TMEM135: variants seen among roughly 807,000 people sequenced by gnomAD.
The protein encoded by TMEM135 is peroxisomal membrane protein 52.
Under a neutral mutation model 60.3 loss-of-function variants are expected in TMEM135, and 30 were observed. The ratio of observed to expected loss-of-function variants is 0.50; its 90% CI spans 0.37 to 0.68. The LOEUF is 0.68. TMEM135 is among the 30% of genes least tolerant of loss of function. The probability of loss-of-function intolerance (pLI) is 0.00; values close to 1 mark genes in which losing one functional copy is unlikely to be tolerated. For synonymous variants in TMEM135, 190 were observed against 186.7 expected (o/e 1.02, Z -0.14); for missense variants, 468 against 548.8 (o/e 0.85, Z 1.47).
At chr11:87,199,596 C>G (rs1591097942) in intron 5 of TMEM135, among the ~76,000 whole-genome samples, 1 of 152,114 alleles carries the variant, frequency 6.6e-6, no homozygotes. Context: ...TTTGAGGAAA[C>G]TAGAGTAGGT....
chr11:87,062,214 C>T (rs1432662815), intron 1 of TMEM135, among the ~76,000 whole-genome samples: 1 of 151,932 alleles, frequency 6.6e-6, no homozygotes, highest in African/African-American at 2.4e-5. Context: ...TCATGTTGGT[C>T]AGGCTGGTCT....
intron 1 of TMEM135, among the ~76,000 whole-genome samples, chr11:87,054,330 G>C (rs756469309): frequency 1.3e-5 from 2 of 152,146 alleles, no homozygotes; most frequent in Non-Finnish European, 2.9e-5. Flanking sequence ...AGCTACTGGG[G>C]AGGCTGAGGC....
intron 7 of TMEM135, among the ~76,000 whole-genome samples, chr11:87,299,450 C>A (rs752466841): frequency 7.2e-5 from 11 of 152,184 alleles, no homozygotes; most frequent in Admixed American, 1.3e-4. Context: ...CAATCACCCC[C>A]ACCAGGTCCC....
At chr11:87,246,273 C>T (rs555210979) in intron 6 of TMEM135, among the ~76,000 whole-genome samples, 2 of 149,854 alleles carry the variant, frequency 1.3e-5, no homozygotes, top group Admixed American at 6.6e-5. Flanking sequence ...TTCTCTCTGG[C>T]TGCCCTTAAC....
chr11:87,042,963 T>TG (rs1273991282), intron 1 of TMEM135, among the ~76,000 whole-genome samples: 3 of 151,510 alleles, frequency 2.0e-5, no homozygotes, highest in African/African-American at 4.9e-5. Flanking sequence ...TGTTTTGTTT[T>TG]TTTTTTTTTG....
chr11:87,212,916 T>A (rs1940409570), intron 5 of TMEM135, among the ~76,000 whole-genome samples: 1 of 151,968 alleles, frequency 6.6e-6, no homozygotes, highest in South Asian at 2.1e-4. Context: ...TTTATAGAAA[T>A]TACTATTTAT....
Position 87,195,311 on chromosome 11 carries a change from CTCTTTCCTTCCTTCCTTCCTTCCT to C in TMEM135, c.462+37908_462+37931del, listed in dbSNP as rs1407360399. On this transcript the variant is annotated intron_variant, in intron 5 of 14. Coordinates refer to ENST00000305494, the MANE Select transcript of TMEM135 (RefSeq NM_022918.4). ...TGAAAAAGTCATTTTCTCTTTCTTT[CTCTTTCCTTCCTTCCTTCCTTCCT>C]TCCTTCCTTCCTTCCTTCCTTCCTT... 7.4e-4 allele frequency among the ~76,000 whole-genome samples: 102 copies of C among 138,058 alleles called. 4 individuals carry two copies. Among genetic ancestry groups the C allele is most frequent in the African/African-American group, 2.0e-3 (70 of 35,344 alleles). 90.6% of individuals were successfully genotyped at this position (138,058 alleles called of 152,430 possible). A position where few individuals can be genotyped will look rare whatever the true frequency, so the allele number is the denominator to read the frequency against.
intron 11 of TMEM135, 58 bp downstream of exon 11, chr11:87,313,546 T>C: frequency 1.4e-6 from 2 of 1,390,090 alleles, no homozygotes; most frequent in Non-Finnish European, 2.0e-6. Context: ...TAGGAATGAA[T>C]TGGAAATACC....
At chr11:87,089,548 G>C (rs1857164003) in intron 3 of TMEM135, among the ~76,000 whole-genome samples, 1 of 148,650 alleles carries the variant, frequency 6.7e-6, no homozygotes, top group African/African-American at 2.5e-5. Flanking sequence ...GTCTCAAAAA[G>C]AAAAAGAAAA....
chr11:87,305,959 G>C lies in TMEM135; in HGVS notation c.722G>C (p.Arg241Thr), dbSNP rs146860039. The C allele has an allele frequency of 6.2e-7, 1 of 1,603,472 alleles. No homozygotes were observed. The highest frequency in any genetic ancestry group is 8.5e-7 in the Non-Finnish European group (1 of 1,174,100). The change falls in exon 9 of 15, where the codon AGA becomes ACA. Residue 241 changes from arginine to threonine, a missense_variant. Coordinates refer to ENST00000305494, the MANE Select transcript of TMEM135 (RefSeq NM_022918.4). Reference protein sequence around the residue: ...DSICKHGPRHRCCKHYEDNCI... With the variant: ...DSICKHGPRHTCCKHYEDNCI... ...AGATGCAAACATGGACCAAGGCATAGATGTTGCAAACATTATGAAGATAAT... is the reference window on the plus strand; with the variant it reads ...AGATGCAAACATGGACCAAGGCATACATGTTGCAAACATTATGAAGATAAT...
At chr11:87,041,686 T>A (rs1002317725) in intron 1 of TMEM135, among the ~76,000 whole-genome samples, 10 of 152,158 alleles carry the variant, frequency 6.6e-5, no homozygotes, top group African/African-American at 2.4e-4. Context: ...GTTAAAACAG[T>A]GGTTTGTATT....
chr11:87,057,267 G>A (rs184104132), intron 1 of TMEM135, among the ~76,000 whole-genome samples: 6 of 152,256 alleles, frequency 3.9e-5, no homozygotes, highest in African/African-American at 1.4e-4. Context: ...TACAGGTAAG[G>A]TATGTAAGGC....
intron 4 of TMEM135, among the ~76,000 whole-genome samples, chr11:87,121,828 C>T (rs1937602372): frequency 2.0e-5 from 3 of 151,762 alleles, no homozygotes; most frequent in South Asian, 4.2e-4. Flanking sequence ...TTAGTAGAGA[C>T]GGGGATTCAC....
chr11:87,281,763 T>C (rs1337508291), intron 6 of TMEM135, among the ~76,000 whole-genome samples: 2 of 152,244 alleles, frequency 1.3e-5, no homozygotes, highest in East Asian at 1.9e-4. Flanking sequence ...TGTATACTTA[T>C]GAGCAAAATC....
At chr11:87,213,339 C>A (rs976540900) in intron 5 of TMEM135, among the ~76,000 whole-genome samples, 4 of 152,142 alleles carry the variant, frequency 2.6e-5, no homozygotes, top group African/African-American at 9.7e-5. Context: ...ACTACTGCAA[C>A]TATACGATTT....
intron 1 of TMEM135, among the ~76,000 whole-genome samples, chr11:87,063,286 A>G (rs1331271575): frequency 6.6e-6 from 1 of 152,190 alleles, no homozygotes; most frequent in Admixed American, 6.5e-5. Flanking sequence ...AAATACAGAT[A>G]TGTATTTTAA....
intron 11 of TMEM135, among the ~76,000 whole-genome samples, chr11:87,313,886 C>G (rs997138505): frequency 2.6e-5 from 4 of 151,672 alleles, no homozygotes; most frequent in Non-Finnish European, 5.9e-5. Context: ...GGAACTTAAT[C>G]ATTTTATTAA....
intron 7 of TMEM135, among the ~76,000 whole-genome samples, chr11:87,298,796 A>AAAAAAC (rs1347640849): frequency 4.9e-5 from 7 of 142,278 alleles, no homozygotes; most frequent in Non-Finnish European, 1.1e-4. Flanking sequence ...CAAAAAAAAA[A>AAAAAAC]AAAAAAAACA....
At chr11:87,207,040 G>A (rs1940250723) in intron 5 of TMEM135, among the ~76,000 whole-genome samples, 1 of 152,128 alleles carries the variant, frequency 6.6e-6, no homozygotes, top group Non-Finnish European at 1.5e-5. Context: ...TAGCTAAGCT[G>A]CCAAAGTGGT....
Sources: gnomAD v4.1 joint callset for allele counts (sites outside exome capture counted in the v4.1 genomes callset) on GRCh38, gnomAD v4.1.1 for gene constraint, MANE v1.5 for transcripts, NCBI Gene and HGNC (gene_info 2026-07-23, HGNC 2026-07-21) for gene names.